Variants in MTA2 observed in about 807,000 individuals in gnomAD.
MTA2 encodes the protein metastasis associated 1 family member 2, also known as metastasis-associated protein MTA2.
MTA2 carries 22 observed loss-of-function variants against 87.1 expected under a neutral mutation model. That is an observed-to-expected ratio of 0.25 (90% CI 0.18 to 0.36). The LOEUF is 0.36. Among genes scored for constraint, MTA2 ranks in the 10% least tolerant of loss-of-function variants. The probability of loss-of-function intolerance (pLI) is 1.00; values close to 1 mark genes in which losing one functional copy is unlikely to be tolerated. For missense variants in MTA2, 542 were observed against 853.2 expected (o/e 0.64, Z 4.54); for synonymous variants, 314 against 310.1 (o/e 1.01, Z -0.13).
At chr11:62,597,542 G>C in intron 7 of MTA2, 68 bp downstream of exon 7, 1 of 1,519,296 alleles carries the variant, frequency 6.6e-7, no homozygotes, top group Non-Finnish European at 9.1e-7. Context: ...CCATCTCTAA[G>C]AACCATGGGA....
chr11:62,593,886 G>C lies in MTA2; in HGVS notation c.1996C>G (p.Leu666Val), dbSNP rs779104440. The C allele has an allele frequency of 1.9e-6, 3 of 1,614,144 alleles. No homozygotes were observed. In the South Asian group the frequency reaches 3.3e-5, roughly 18 times the overall value. ...TTCCCCACAGGTGCTCAGTCCTCCA[G>C]GACAATAGGCTCATTGGTGCTGGCA... ...HPASTNEPIV[L>V]ED The change falls in exon 18 of 18, where the codon CTG (leucine) becomes GTG (valine). Residue 666 changes from leucine to valine, a missense_variant. This residue lies in a region of MTA2 where 269 missense variants were observed against 346.4 expected (regional missense o/e 0.78). Transcript: ENST00000278823.
At chr11:62,600,318 G>T in intron 2 of MTA2, 59 bp from the exon 3 acceptor site, 1 of 1,438,540 alleles carries the variant, frequency 7.0e-7, no homozygotes, top group Non-Finnish European at 9.8e-7. Flanking sequence ...GATCATCTGG[G>T]AACAGAAATG....
chr11:62,593,915 T>C lies in MTA2; in HGVS notation c.1967A>G (p.His656Arg), dbSNP rs773581090. 3 of 1,614,096 alleles carry C rather than the reference T, an allele frequency of 1.9e-6. No homozygotes were observed. Among genetic ancestry groups the C allele is most frequent in the Non-Finnish European group, 2.5e-6 (3 of 1,180,004 alleles). Reference sequence around the variant, plus strand: ...AATAGGCTCATTGGTGCTGGCAGGATGTGAGGGTGCAGGTAGAGGGACAGG... The same window carrying C: ...AATAGGCTCATTGGTGCTGGCAGGACGTGAGGGTGCAGGTAGAGGGACAGG... Reference protein sequence around the residue: ...RPPVPLPAPSHPASTNEPIVL... With the variant: ...RPPVPLPAPSRPASTNEPIVL... Residue 656 changes from histidine to arginine, a missense_variant, in exon 18 of 18, where the codon CAT becomes CGT. Around this residue, in one of 6 missense-constraint regions of MTA2, gnomAD observed 269 missense variants for 346.4 expected, o/e 0.78. Transcript: ENST00000278823.
chr11:62,600,537 T>C (rs1004258597), intron 2 of MTA2, 85 bp downstream of exon 2: 1 of 1,269,546 alleles, frequency 7.9e-7, no homozygotes, highest in Non-Finnish European at 1.1e-6. Context: ...GGGTACTTAG[T>C]ATAGGATCCT....
intron 6 of MTA2, 100 bp from the exon 7 acceptor site, chr11:62,597,812 G>A: frequency 9.2e-7 from 1 of 1,088,368 alleles, no homozygotes; most frequent in Non-Finnish European, 1.4e-6. Flanking sequence ...TCTTCTGCTT[G>A]GATTCTATCA....
chr11:62,601,322 G>A (rs759866338), intron 1 of MTA2, 101 bp downstream of exon 1: 145 of 1,422,134 alleles, frequency 1.0e-4, no homozygotes, highest in Non-Finnish European at 1.3e-4. Context: ...GGTCCACGCT[G>A]CCCCATACGC....
In MTA2 at chr11:62,601,847, C is replaced by G. The variant is rs1327697727; in HGVS notation, c.-397G>C. 2.0e-6 allele frequency: 1 copy of G among 495,182 alleles called. No individual in the cohort carries two copies. The highest frequency in any genetic ancestry group is 3.5e-6 in the Non-Finnish European group (1 of 283,832). The allele number at this position is 495,182 out of a possible 1,614,324, so 30.7% of individuals were successfully genotyped here. A position where few individuals can be genotyped will look rare whatever the true frequency, so the allele number is the denominator to read the frequency against. On this transcript the variant is annotated 5_prime_UTR_variant, in exon 1 of 18. Coordinates refer to ENST00000278823, the MANE Select transcript of MTA2 (RefSeq NM_004739.4). ...TCCTTCCGGAACACCTTCGGCCGAT[C>G]CGGAGAACAAGGCCCACTGCTCGGC...
At chr11:62,594,791 A>G (rs1942075364) in intron 15 of MTA2, among the ~76,000 whole-genome samples, 157 bp from the exon 16 acceptor site, 1 of 152,244 alleles carries the variant, frequency 6.6e-6, no homozygotes, top group South Asian at 2.1e-4. Context: ...TTCAAATATC[A>G]GTATGACCTT....
rs569419752 is a variant in MTA2, at chr11:62,594,594, G to C, written c.1614C>G (p.Thr538=). 1.1e-4 allele frequency: 176 copies of C among 1,613,946 alleles called. 5 individuals are homozygous for C. The South Asian group carries it at 1.9e-3, about 17-fold the overall frequency. ...GCTGGTTTCTGTTGATCGGTGTCTT[G>C]GTACCCCGAGGTGTTTTTGGTTTCA... ...APLKPKTPRG[T]KTPINRNQLS... Residue 538 remains threonine (T), a synonymous_variant, in exon 16 of 18, where the codon ACC becomes ACG. Transcript: ENST00000278823.
At position 62,596,877 on chromosome 11, in the gene MTA2, C is replaced by A. The variant is rs889717484; in HGVS notation, c.694-52G>T. 18 of 1,539,342 alleles carry A rather than the reference C, an allele frequency of 1.2e-5. No homozygotes were observed. The Admixed American group carries it at 3.1e-4, about 26-fold the overall frequency. ...GGACCTGAAACTTTTGGCACCACTC[C>A]CTTCCTGCTCCTTAAAACACTCCCA... On this transcript the variant is annotated intron_variant, in intron 8 of 17. Transcript: ENST00000278823.
rs1590728676 is a variant in MTA2 at position 62,593,953 on chromosome 11, A to C, written c.1929T>G (p.Ile643Met). 1 of 1,614,174 alleles carries C rather than the reference A, an allele frequency of 6.2e-7. No individual in the cohort carries two copies. The highest frequency in any genetic ancestry group is 2.2e-5 in the East Asian group (1 of 44,882). Residue 643 changes from isoleucine (I) to methionine (M), a missense_variant, in exon 18 of 18, where the codon ATT (isoleucine) becomes ATG (methionine). Transcript: ENST00000278823. ...NLPLKVKPTL[I>M]AVRPPVPLPA... ...GTAGAGGGACAGGGGGCCGCACTGCAATCAGCGTTGGCTTCACCTTCAGGG... is the reference window on the plus strand; with the variant it reads ...GTAGAGGGACAGGGGGCCGCACTGCCATCAGCGTTGGCTTCACCTTCAGGG...
chr11:62,596,307 TG>T lies in MTA2; in HGVS notation c.987del (p.Ser329ArgfsTer3), dbSNP rs1415450211. The part of the protein sequence containing the change: ...QKRLKAAEAD[S>X]KLKQVYIPTY... ...GTGGGAATGTAGACCTGTTTCAGTTTGCTGTCTGCTTCAGCAGCTTTCAACC... is the reference window on the plus strand; with the variant it reads ...GTGGGAATGTAGACCTGTTTCAGTTTCTGTCTGCTTCAGCAGCTTTCAACC... On this transcript the variant is annotated frameshift_variant, in exon 11 of 18. Transcript: ENST00000278823. LOFTEE classifies it high-confidence loss of function. 1 of 1,614,190 alleles carries T rather than the reference TG, an allele frequency of 6.2e-7. No individual in the cohort carries two copies. The highest frequency in any genetic ancestry group is 1.7e-5 in the Admixed American group (1 of 60,030).
In MTA2 at chr11:62,601,475, C is replaced by G; in HGVS notation, c.-25G>C. 6.2e-7 allele frequency: 1 copy of G among 1,606,706 alleles called. No homozygotes were observed. The highest frequency in any genetic ancestry group is 8.5e-7 in the Non-Finnish European group (1 of 1,177,380). Reference sequence around the variant, plus strand: ...TGGCCGTTCCCGCCGCCGCCTCCGGCCGCACAAAGGGGTCCGGGAGGCTCG... The same window carrying G: ...TGGCCGTTCCCGCCGCCGCCTCCGGGCGCACAAAGGGGTCCGGGAGGCTCG... On this transcript the variant is annotated 5_prime_UTR_variant, in exon 1 of 18. Coordinates refer to ENST00000278823, the MANE Select transcript of MTA2 (RefSeq NM_004739.4).
Position 62,601,533 on chromosome 11 carries a change from G to A in MTA2, c.-83C>T. On this transcript the variant is annotated 5_prime_UTR_variant, in exon 1 of 18. Transcript: ENST00000278823. Reference sequence around the variant, plus strand: ...AGGGCTCGGCTCGAGGCAAAGCCCCGAACGGTGGGCTGCCGCTTCGAGGGA... The same window carrying A: ...AGGGCTCGGCTCGAGGCAAAGCCCCAAACGGTGGGCTGCCGCTTCGAGGGA... The A allele has an allele frequency of 1.3e-6, 2 of 1,500,938 alleles. No individual in the cohort carries two copies. Among genetic ancestry groups the A allele is most frequent in the Non-Finnish European group, 9.0e-7 (1 of 1,116,360 alleles). 93.0% of individuals were successfully genotyped at this position (1,500,938 alleles called of 1,614,324 possible). A position where few individuals can be genotyped will look rare whatever the true frequency, so the allele number is the denominator to read the frequency against.
chr11:62,601,830 G>A lies in MTA2; in HGVS notation c.-380C>T. Reference sequence around the variant, plus strand: ...CCGCCTCAGGGTTCGCCTCCTTCCGGAACACCTTCGGCCGATCCGGAGAAC... The same window carrying A: ...CCGCCTCAGGGTTCGCCTCCTTCCGAAACACCTTCGGCCGATCCGGAGAAC... On this transcript the variant is annotated 5_prime_UTR_variant, in exon 1 of 18. Coordinates refer to ENST00000278823, the MANE Select transcript of MTA2 (RefSeq NM_004739.4). The A allele has an allele frequency of 2.0e-6, 1 of 499,642 alleles. No homozygotes were observed. The highest frequency in any genetic ancestry group is 3.5e-6 in the Non-Finnish European group (1 of 287,004). 31.0% of individuals were successfully genotyped at this position (499,642 alleles called of 1,614,324 possible).
In MTA2 at chr11:62,597,445, A is replaced by G. The variant is rs761540963; in HGVS notation, c.594-30T>C. 3 of 1,597,032 alleles carry G rather than the reference A, an allele frequency of 1.9e-6. No homozygotes were observed. In the Admixed American group the frequency reaches 5.3e-5, roughly 28 times the overall value. On this transcript the variant is annotated intron_variant, in intron 7 of 17. Coordinates refer to ENST00000278823, the MANE Select transcript of MTA2 (RefSeq NM_004739.4). ...GGGAGAAATTGAGAAGTCAAAAGCGAAAGAAAAGTCAAAAGCCCAAGTGGG... is the reference window on the plus strand; with the variant it reads ...GGGAGAAATTGAGAAGTCAAAAGCGGAAGAAAAGTCAAAAGCCCAAGTGGG...
chr11:62,596,946 T>G (rs1942106590), intron 8 of MTA2, 121 bp from the exon 9 acceptor site: 1 of 968,428 alleles, frequency 1.0e-6, no homozygotes. Context: ...TCCCAGCACT[T>G]TGGGAAGCGG....
Position 62,601,558 on chromosome 11 carries a change from A to C in MTA2, c.-108T>G. 2.2e-6 allele frequency: 3 copies of C among 1,354,422 alleles called. No individual in the cohort carries two copies. Among genetic ancestry groups the C allele is most frequent in the Non-Finnish European group, 2.0e-6 (2 of 1,005,140 alleles). 83.9% of individuals were successfully genotyped at this position (1,354,422 alleles called of 1,614,324 possible). A position where few individuals can be genotyped will look rare whatever the true frequency, so the allele number is the denominator to read the frequency against. ...GAACGGTGGGCTGCCGCTTCGAGGG[A>C]GTCTCACTGGGGCCCGCGCAGCCGG... On this transcript the variant is annotated 5_prime_UTR_variant, in exon 1 of 18. Coordinates refer to ENST00000278823, the MANE Select transcript of MTA2 (RefSeq NM_004739.4).
chr11:62,600,904 A>G lies in MTA2; in HGVS notation c.29-215T>C, dbSNP rs1414973549. 1.1e-5 allele frequency: 6 copies of G among 553,144 alleles called. No homozygotes were observed. The South Asian group carries it at 1.3e-4, about 12-fold the overall frequency. 34.3% of individuals were successfully genotyped at this position (553,144 alleles called of 1,614,324 possible). A position where few individuals can be genotyped will look rare whatever the true frequency, so the allele number is the denominator to read the frequency against. ...GTTCTAAAATTAGATCCTTTACTCAAAAGAGAGCCTTAAGGAACAGGCAAG... is the reference window on the plus strand; with the variant it reads ...GTTCTAAAATTAGATCCTTTACTCAGAAGAGAGCCTTAAGGAACAGGCAAG... On this transcript the variant is annotated intron_variant, in intron 1 of 17. Transcript: ENST00000278823.
Sources: allele counts gnomAD v4.1 joint callset (sites outside exome capture counted in the v4.1 genomes callset), GRCh38; gene constraint gnomAD v4.1.1; regional missense constraint gnomAD v4.1.1; transcripts MANE v1.5; gene names NCBI Gene and HGNC (gene_info 2026-07-23, HGNC 2026-07-21).